CSMD3: variants seen among roughly 807,000 people sequenced by gnomAD.
The protein encoded by CSMD3 is CUB and sushi domain-containing protein 3.
A neutral mutation model predicts 435.2 loss-of-function variants in CSMD3; 177 were observed. That is an observed-to-expected ratio of 0.41 (90% confidence interval 0.36 to 0.46). The LOEUF (loss-of-function observed/expected upper bound fraction) is 0.46. CSMD3 is among the 20% of genes least tolerant of loss of function. CSMD3 has a pLI of 0.34. For synonymous variants in CSMD3, 1,656 were observed against 1,520.5 expected, an observed-to-expected ratio of 1.09 and a Z score of -2.07; for missense variants, 4,265 against 4,504.6, an observed-to-expected ratio of 0.95 and a Z score of 1.52.
intron 6 of CSMD3, among the ~76,000 whole-genome samples, chr8:113,001,027 T>G (rs1444638673): frequency 6.6e-6 from 1 of 152,024 alleles, no homozygotes; most frequent in Non-Finnish European, 1.5e-5. Context: ...TTCTTCTTTT[T>G]TGGTCATAGC....
chr8:112,403,637 T>G (rs1391533511), intron 35 of CSMD3, among the ~76,000 whole-genome samples: 1 of 152,070 alleles, frequency 6.6e-6, no homozygotes, highest in Admixed American at 6.6e-5. Flanking sequence ...CAGACTTCTT[T>G]TATAAAGGCA....
In CSMD3 at chr8:112,703,202, T is replaced by A. The variant is rs577029974; in HGVS notation, c.1973-13152A>T. 2.6e-5 allele frequency among the ~76,000 whole-genome samples: 4 copies of A among 152,254 alleles called. No individual in the cohort carries two copies. In the East Asian group the frequency reaches 5.8e-4, roughly 22 times the overall value. ...AAATTTGGAAGAAACAAAGTGAGGA[T>A]CCATCCCCAGGGTCAGAGGTTAGCA... is the stretch of plus-strand genomic sequence containing the variant. On this transcript the variant is annotated intron_variant, in intron 13 of 70. Transcript: ENST00000297405.
At chr8:112,683,415 T>C (rs903359644) in intron 15 of CSMD3, among the ~76,000 whole-genome samples, 8 of 152,032 alleles carry the variant, frequency 5.3e-5, no homozygotes, top group Non-Finnish European at 7.4e-5. Flanking sequence ...GTATCTTGGC[T>C]TATTTGTCTC....
At chr8:112,941,960 A>G (rs149278588) in intron 9 of CSMD3, among the ~76,000 whole-genome samples, 256 of 150,020 alleles carry the variant, frequency 1.7e-3, no homozygotes, top group African/African-American at 5.9e-3. Flanking sequence ...TATTTTATTA[A>G]TTAAAGTTCA....
At chr8:113,432,423 C>T (rs1277922445) in intron 1 of CSMD3, among the ~76,000 whole-genome samples, 2 of 152,230 alleles carry the variant, frequency 1.3e-5, no homozygotes, top group Non-Finnish European at 2.9e-5. Context: ...GCGCAGCAAT[C>T]CCTGTGCGTG....
chr8:113,239,973 T>G (rs1379766356), intron 3 of CSMD3, among the ~76,000 whole-genome samples: 1 of 152,082 alleles, frequency 6.6e-6, no homozygotes, highest in Non-Finnish European at 1.5e-5. Flanking sequence ...CTAGTACTCA[T>G]TAGTAATTTT....
At chr8:112,287,842 C>T (rs1274126876) in intron 57 of CSMD3, among the ~76,000 whole-genome samples, 1 of 151,804 alleles carries the variant, frequency 6.6e-6, no homozygotes, top group Non-Finnish European at 1.5e-5. Context: ...TGTAAAAGAC[C>T]AAAATTTAGA....
At chr8:112,817,034 C>T (rs1185458402) in intron 12 of CSMD3, among the ~76,000 whole-genome samples, 2 of 151,844 alleles carry the variant, frequency 1.3e-5, no homozygotes, top group Non-Finnish European at 2.9e-5. Context: ...CATTTTTTAC[C>T]TTCTTTAAGA....
intron 3 of CSMD3, among the ~76,000 whole-genome samples, chr8:113,189,376 A>T (rs2092553119): frequency 6.6e-6 from 1 of 151,788 alleles, no homozygotes; most frequent in African/African-American, 2.4e-5. Flanking sequence ...TGACCTATCC[A>T]ACTGTATTTC....
At chr8:113,090,952 A>G (rs181750676) in intron 5 of CSMD3, among the ~76,000 whole-genome samples, 1 of 152,200 alleles carries the variant, frequency 6.6e-6, no homozygotes, top group Admixed American at 6.6e-5. Flanking sequence ...CTCTTTCTTA[A>G]GAAAGAAATT....
At chr8:112,788,539 A>T (rs906337772) in intron 13 of CSMD3, among the ~76,000 whole-genome samples, 1 of 152,086 alleles carries the variant, frequency 6.6e-6, no homozygotes, top group African/African-American at 2.4e-5. Flanking sequence ...TCTCCAAAAA[A>T]CACATTCTGT....
chr8:113,241,796 T>C (rs954118744), intron 3 of CSMD3, among the ~76,000 whole-genome samples: 3 of 151,886 alleles, frequency 2.0e-5, no homozygotes, highest in African/African-American at 7.2e-5. Flanking sequence ...GTGGGAAGAT[T>C]CTATCTTGTC....
At chr8:112,324,801 C>T (rs375670462) in intron 45 of CSMD3, among the ~76,000 whole-genome samples, 241 of 152,082 alleles carry the variant, frequency 1.6e-3, no homozygotes, top group African/African-American at 4.2e-3. Flanking sequence ...ATCACTCTGG[C>T]TGTAGTCAGA....
intron 5 of CSMD3, among the ~76,000 whole-genome samples, chr8:113,059,974 T>C (rs1303707712): frequency 1.5e-5 from 2 of 133,638 alleles, no homozygotes; most frequent in African/African-American, 2.8e-5. Context: ...CTTTAGGGCC[T>C]TGTTTTATTT....
intron 16 of CSMD3, among the ~76,000 whole-genome samples, chr8:112,677,949 T>C (rs1359346076): frequency 6.6e-6 from 1 of 152,150 alleles, no homozygotes; most frequent in Non-Finnish European, 1.5e-5. Flanking sequence ...CTAATGTCCA[T>C]GAAGGTATTG....
chr8:113,419,252 G>C (rs1368658321), intron 1 of CSMD3, among the ~76,000 whole-genome samples: 1 of 151,424 alleles, frequency 6.6e-6, no homozygotes, highest in African/African-American at 2.4e-5. Flanking sequence ...TGAGTAGATG[G>C]GATTACAGGC....
At chr8:113,286,341 T>C (rs1275945657) in intron 2 of CSMD3, among the ~76,000 whole-genome samples, 1 of 152,170 alleles carries the variant, frequency 6.6e-6, no homozygotes, top group African/African-American at 2.4e-5. Flanking sequence ...AACTTACAAC[T>C]TTCTATCAAT....
intron 16 of CSMD3, among the ~76,000 whole-genome samples, chr8:112,676,025 G>C (rs1000325519): frequency 6.6e-6 from 1 of 152,054 alleles, no homozygotes; most frequent in Non-Finnish European, 1.5e-5. Flanking sequence ...GAAGAATTTT[G>C]GCCTGAATGA....
intron 1 of CSMD3, among the ~76,000 whole-genome samples, chr8:113,362,221 T>C (rs1481910495): frequency 6.6e-6 from 1 of 152,112 alleles, no homozygotes; most frequent in Non-Finnish European, 1.5e-5. Context: ...GATACAAAGA[T>C]AAATAAACTA....
Sources: gnomAD v4.1 joint callset for allele counts (sites outside exome capture counted in the v4.1 genomes callset) on GRCh38, gnomAD v4.1.1 for gene constraint, MANE v1.5 for transcripts, NCBI Gene and HGNC (gene_info 2026-07-23, HGNC 2026-07-21) for gene names.